The following PPP2R5C variants were observed in gnomAD, a reference collection of about 807,000 sequenced individuals.
The protein encoded by PPP2R5C is serine/threonine-protein phosphatase 2A 56 kDa regulatory subunit gamma isoform.
A neutral mutation model predicts 68.9 loss-of-function variants in PPP2R5C; 7 were observed. The observed-to-expected ratio is 0.10, with a 90% CI of 0.06 to 0.19. The LOEUF is 0.19. PPP2R5C is among the 10% of genes least tolerant of loss of function. The probability of loss-of-function intolerance (pLI) is 1.00; values close to 1 mark genes in which losing one functional copy is unlikely to be tolerated. For missense variants in PPP2R5C, 348 were observed against 641.3 expected (o/e 0.54, Z 4.94); for synonymous variants, 210 against 222.2 (o/e 0.95, Z 0.49).
At position 101,910,931 on chromosome 14, in the gene PPP2R5C, C is replaced by T. The variant is rs543939436; in HGVS notation, c.1253+1241C>T. On this transcript the variant is annotated intron_variant, in intron 11 of 13. Transcript: ENST00000334743. ...AAGCCTGGCGAACACAGTGAAACCC[C>T]GTCTCTACTGAAAATACAAAAAATT... Among the ~76,000 whole-genome samples, 9 of 152,176 alleles carry T rather than the reference C, an allele frequency of 5.9e-5. No homozygotes were observed. In the East Asian group the frequency reaches 1.5e-3, roughly 26 times the overall value.
In PPP2R5C at chr14:101,877,598, A is replaced by G. The variant is rs1165526518; in HGVS notation, c.295-4563A>G. On this transcript the variant is annotated intron_variant, in intron 2 of 13. Coordinates refer to ENST00000334743, the Ensembl canonical transcript of PPP2R5C. The surrounding 1 kb of genome is among the most constrained non-coding windows in gnomAD (Gnocchi z 4.2). ...ATTTGCACACAGACATCAGCACCCC[A>G]GGTTTCTGTACCTGGGGCTCCTGCC... is the stretch of plus-strand genomic sequence containing the variant. Among the ~76,000 whole-genome samples the G allele has an allele frequency of 6.6e-6, 1 of 152,152 alleles. No homozygotes were observed. The highest frequency in any genetic ancestry group is 2.4e-5 in the African/African-American group (1 of 41,436).
At chr14:101,920,473 G>A (rs961661197) in intron 13 of PPP2R5C, among the ~76,000 whole-genome samples, 3 of 152,142 alleles carry the variant, frequency 2.0e-5, no homozygotes, top group African/African-American at 7.2e-5. Context: ...TTCTGTCACC[G>A]GGTTTCCTGT....
At chr14:101,850,006 C>G (rs1746594) in intron 1 of PPP2R5C, among the ~76,000 whole-genome samples, 35,164 of 152,144 alleles carry the variant, frequency 0.23, 4,164 homozygotes, top group African/African-American at 0.27. Context: ...TCCATGTATT[C>G]AGTTCCACAG....
intron 2 of PPP2R5C, among the ~76,000 whole-genome samples, chr14:101,784,066 A>G (rs945680964): frequency 6.6e-6 from 1 of 152,218 alleles, no homozygotes; most frequent in Non-Finnish European, 1.5e-5. Flanking sequence ...CTTTTGAGGA[A>G]AAAGCCACAG....
rs1595486002 is a variant in PPP2R5C, at chr14:101,891,587, T to C, written c.689+1291T>C. The stretch of plus-strand genomic sequence containing the variant: ...ATGACATGTGTTCCACAGCCCGCCA[T>C]GCCGTGTGCGTAGGGCCCCCGTGTG... On this transcript the variant is annotated intron_variant, in intron 6 of 13. Coordinates refer to ENST00000334743, the Ensembl canonical transcript of PPP2R5C. This position sits in a 1 kb window ranked among gnomAD's most constrained non-coding sequence, Gnocchi z 4.9. 2.0e-5 allele frequency among the ~76,000 whole-genome samples: 3 copies of C among 152,252 alleles called. No homozygotes were observed. In the East Asian group the frequency reaches 5.8e-4, roughly 29 times the overall value.
At chr14:101,787,815 G>A (rs1188425518) in intron 3 of PPP2R5C, among the ~76,000 whole-genome samples, 3 of 151,012 alleles carry the variant, frequency 2.0e-5, no homozygotes, top group African/African-American at 7.3e-5. Context: ...ATTTTCTAGA[G>A]CTTGTATTTG....
chr14:101,894,473 A>T, intron 7 of PPP2R5C, 34 bp from the exon 10 acceptor site: 1 of 1,602,730 alleles, frequency 6.2e-7, no homozygotes, highest in Non-Finnish European at 8.5e-7. Flanking sequence ...TTTTATGTTG[A>T]AATGTTAATG....
At chr14:101,785,972 T>TAG in intron 2 of PPP2R5C, 46 bp from the exon 3 acceptor site, 1 of 1,464,670 alleles carries the variant, frequency 6.8e-7, no homozygotes, top group Non-Finnish European at 9.1e-7. Flanking sequence ...TGCTACAAAA[T>TAG]ACAACCATTG....
chr14:101,809,885 A>G, upstream of PPP2R5C: 9 of 1,580,324 alleles, frequency 5.7e-6, no homozygotes, highest in Non-Finnish European at 7.7e-6. Context: ...TTTTTAAACT[A>G]AAATGGAGGC....
At chr14:101,852,206 C>T (rs576837603) in intron 1 of PPP2R5C, among the ~76,000 whole-genome samples, 2 of 152,258 alleles carry the variant, frequency 1.3e-5, no homozygotes, top group South Asian at 2.1e-4. Flanking sequence ...TTTCTTCCTA[C>T]GTTCCAATCT....
chr14:101,926,234 G>A (rs1354915115), exon 14 of PPP2R5C: 2 of 152,318 alleles, frequency 1.3e-5, no homozygotes, highest in Non-Finnish European at 2.9e-5. Context: ...TAAGCATAAA[G>A]TAACACAACA....
At chr14:101,914,597 T>G (rs1216813268) in intron 12 of PPP2R5C, 1 of 170,964 alleles carries the variant, frequency 5.8e-6, no homozygotes, top group Non-Finnish European at 1.3e-5. Context: ...ACTCGCTGTG[T>G]GTTCCCTGAT....
At chr14:101,865,858 C>T (rs368562881) in intron 2 of PPP2R5C, among the ~76,000 whole-genome samples, 13 of 152,252 alleles carry the variant, frequency 8.5e-5, no homozygotes, top group Non-Finnish European at 1.5e-4. Flanking sequence ...CATATTCGTA[C>T]GGGACTTATT....
intron 3 of PPP2R5C, among the ~76,000 whole-genome samples, chr14:101,802,380 C>G (rs1161258819): frequency 2.0e-5 from 3 of 152,074 alleles, no homozygotes; most frequent in African/African-American, 7.2e-5. Flanking sequence ...CCACTGCACA[C>G]CAGCCTTGTG....
At chr14:101,903,757 C>T (rs369731413) in intron 9 of PPP2R5C, among the ~76,000 whole-genome samples, 2 of 151,880 alleles carry the variant, frequency 1.3e-5, no homozygotes, top group African/African-American at 2.4e-5. Context: ...CTCATTGCAA[C>T]CTCTGCCTTC....
chr14:101,814,113 G>A (rs1242224055), intron 1 of PPP2R5C, among the ~76,000 whole-genome samples: 3 of 152,226 alleles, frequency 2.0e-5, no homozygotes, highest in African/African-American at 7.2e-5. Context: ...GTAAGTACTA[G>A]TGAGAATGGG....
In PPP2R5C at chr14:101,810,493, G is replaced by GA. The variant is rs1314319744; in HGVS notation, c.94+461dup. The stretch of plus-strand genomic sequence containing the variant: ...CAGAATTAAAGATGAATTGCAGTCA[G>GA]AAAATATGCACAATTGATTGGAAAA... On this transcript the variant is annotated intron_variant, in intron 1 of 13. Transcript: ENST00000334743. Among the ~76,000 whole-genome samples the GA allele has an allele frequency of 2.0e-5, 3 of 152,308 alleles. No homozygotes were observed. The South Asian group carries it at 6.2e-4, about 32-fold the overall frequency.
intron 3 of PPP2R5C, among the ~76,000 whole-genome samples, chr14:101,787,750 G>C (rs141192917): frequency 0.053 from 7,330 of 138,500 alleles, 254 homozygotes; most frequent in Non-Finnish European, 0.078. Flanking sequence ...CTGGGCGACA[G>C]AGCGAGACTC....
rs554844497 is a variant in PPP2R5C at position 101,924,237 on chromosome 14, T to A, written c.1444-904T>A. On this transcript the variant is annotated intron_variant, in intron 13 of 13. Transcript: ENST00000334743. ...AACTCTCCAAATTAAGTTTCCCTTT[T>A]ATTGCAGATACAGTTATCCAAATCC... 3.0e-4 allele frequency among the ~76,000 whole-genome samples: 45 copies of A among 152,276 alleles called. 2 individuals carry two copies. In the South Asian group the frequency reaches 7.5e-3, roughly 25 times the overall value.
Sources: allele counts gnomAD v4.1 joint callset (sites outside exome capture counted in the v4.1 genomes callset), GRCh38; gene constraint gnomAD v4.1.1; non-coding constraint Gnocchi (gnomAD v3.1); transcripts MANE v1.5; gene names NCBI Gene and HGNC (gene_info 2026-07-23, HGNC 2026-07-21).